ZNF736: variants seen among roughly 807,000 people sequenced by gnomAD.
The protein encoded by ZNF736 is KRAB-containing zinc-finger repressor protein.
A neutral mutation model predicts 11.7 loss-of-function variants in ZNF736; 6 were observed. The ratio of observed to expected loss-of-function variants is 0.51; its 90% CI spans 0.28 to 1.01. The LOEUF (loss-of-function observed/expected upper bound fraction) is 1.01. Among genes scored for constraint, ZNF736 ranks in the 50% least tolerant of loss-of-function variants. The pLI, the probability that ZNF736 is intolerant of heterozygous loss-of-function variation, is 0.09. For missense variants in ZNF736, 444 were observed against 496.0 expected, an observed-to-expected ratio of 0.90 and a Z score of 1.00; for synonymous variants, 139 against 164.7, an observed-to-expected ratio of 0.84 and a Z score of 1.19.
intron 2 of ZNF736, among the ~76,000 whole-genome samples, chr7:64,336,663 A>T (rs1789255687): frequency 6.6e-6 from 1 of 152,184 alleles, no homozygotes; most frequent in Non-Finnish European, 1.5e-5. Flanking sequence ...CTAAAAATGC[A>T]ATTTTCACAG....
chr7:64,340,890 TAGTG>T (rs1490904099), intron 3 of ZNF736, among the ~76,000 whole-genome samples: 1 of 152,222 alleles, frequency 6.6e-6, no homozygotes, highest in African/African-American at 2.4e-5. Context: ...AGGAAGTTCT[TAGTG>T]AGTCCCTTTT....
chr7:64,321,392 G>C (rs1036629359), intron 1 of ZNF736, among the ~76,000 whole-genome samples: 1 of 152,134 alleles, frequency 6.6e-6, no homozygotes, highest in African/African-American at 2.4e-5. Context: ...GTTCAAATTA[G>C]AAGCAATAGA....
intron 1 of ZNF736, among the ~76,000 whole-genome samples, chr7:64,315,864 C>T (rs1435534432): frequency 2.0e-5 from 3 of 152,160 alleles, no homozygotes; most frequent in Non-Finnish European, 4.4e-5. Context: ...AATTTTAAAA[C>T]GGATGTGGCA....
At chr7:64,316,752 AT>A (rs1052751537) in intron 1 of ZNF736, among the ~76,000 whole-genome samples, 6 of 150,532 alleles carry the variant, frequency 4.0e-5, no homozygotes, top group South Asian at 2.1e-4. Flanking sequence ...TAAAAAAAAA[AT>A]TTTCTAAAAG....
intron 1 of ZNF736, among the ~76,000 whole-genome samples, chr7:64,326,821 A>G (rs1287114982): frequency 6.6e-6 from 1 of 152,050 alleles, no homozygotes; most frequent in Non-Finnish European, 1.5e-5. Context: ...ATTCAGGAGC[A>G]TATTTTAATT....
At chr7:64,333,437 A>G (rs1255716638) in intron 1 of ZNF736, among the ~76,000 whole-genome samples, 1 of 152,202 alleles carries the variant, frequency 6.6e-6, no homozygotes, top group East Asian at 1.9e-4. Flanking sequence ...TGGAGACCCA[A>G]GATTCCTGTT....
At chr7:64,327,489 T>C (rs679893) in intron 1 of ZNF736, among the ~76,000 whole-genome samples, 87,549 of 151,970 alleles carry the variant, frequency 0.58, 25,917 homozygotes, top group Middle Eastern at 0.69. Flanking sequence ...TTTTAACTCA[T>C]TTGGCCAATT....
intron 1 of ZNF736, among the ~76,000 whole-genome samples, chr7:64,317,663 A>C (rs950043883): frequency 3.9e-5 from 6 of 152,236 alleles, no homozygotes; most frequent in Non-Finnish European, 7.4e-5. Context: ...TTATATTATT[A>C]ATATTAAAGC....
intron 1 of ZNF736, among the ~76,000 whole-genome samples, chr7:64,328,522 A>C (rs1029907330): frequency 1.3e-5 from 2 of 151,986 alleles, no homozygotes; most frequent in African/African-American, 2.4e-5. Flanking sequence ...GCACTTTGGG[A>C]GTCTGAGGTG....
chr7:64,337,915 C>A (rs553055669), intron 3 of ZNF736, among the ~76,000 whole-genome samples: 4 of 151,826 alleles, frequency 2.6e-5, no homozygotes, highest in Non-Finnish European at 4.4e-5. Context: ...CCACCACACC[C>A]GGCTAATTTT....
At chr7:64,326,724 T>C (rs1218376571) in intron 1 of ZNF736, among the ~76,000 whole-genome samples, 1 of 152,152 alleles carries the variant, frequency 6.6e-6, no homozygotes, top group Non-Finnish European at 1.5e-5. Context: ...TCTTTCATTG[T>C]ATTCATAGTT....
In ZNF736 at chr7:64,352,345, A is replaced by T. The variant is rs1276409192; in HGVS notation, c.*3198A>T. 2 of 152,142 alleles carry T rather than the reference A, an allele frequency of 1.3e-5. No homozygotes were observed. The highest frequency in any genetic ancestry group is 2.9e-5 in the Non-Finnish European group (2 of 68,042). The allele number at this position is 152,142 out of a possible 1,614,324, so 9.4% of individuals were successfully genotyped here. On this transcript the variant is annotated 3_prime_UTR_variant, in exon 4 of 4. Coordinates refer to ENST00000423484, the MANE Select transcript of ZNF736 (RefSeq NM_001170905.3). ...CTGTTGCCAGCCCAAAAGCACCTGTAGGAGGTAGCTGGAAGCCCCTGTTGA... is the reference window on the plus strand; with the variant it reads ...CTGTTGCCAGCCCAAAAGCACCTGTTGGAGGTAGCTGGAAGCCCCTGTTGA...
At chr7:64,318,334 C>T (rs1368342602) in intron 1 of ZNF736, among the ~76,000 whole-genome samples, 6 of 151,860 alleles carry the variant, frequency 4.0e-5, no homozygotes. Flanking sequence ...CAACAGTCTA[C>T]GAGTGTAGTT....
At chr7:64,314,376 C>T (rs1224915185) in intron 1 of ZNF736, among the ~76,000 whole-genome samples, 1 of 152,090 alleles carries the variant, frequency 6.6e-6, no homozygotes, top group Non-Finnish European at 1.5e-5. Flanking sequence ...TCGAATTTCT[C>T]CCCAGCTCAG....
At chr7:64,336,457 T>C (rs7787036) in intron 2 of ZNF736, 72 bp downstream of exon 2, 430,169 of 1,443,030 alleles carry the variant, frequency 0.3, 66,538 homozygotes, top group African/African-American at 0.49. Flanking sequence ...TTTTTGGAGG[T>C]TCTGCTTTGC....
chr7:64,324,799 A>G (rs530600265), intron 1 of ZNF736, among the ~76,000 whole-genome samples: 1 of 152,204 alleles, frequency 6.6e-6, no homozygotes, highest in Non-Finnish European at 1.5e-5. Context: ...TAGTCTTTCC[A>G]CTAACTCTGG....
At chr7:64,314,753 C>T (rs1788887378) in intron 1 of ZNF736, among the ~76,000 whole-genome samples, 1 of 152,224 alleles carries the variant, frequency 6.6e-6, no homozygotes, top group South Asian at 2.1e-4. Context: ...TTTGTAGAGA[C>T]AGGCTTTTGC....
intron 1 of ZNF736, among the ~76,000 whole-genome samples, chr7:64,331,379 C>T (rs1456589644): frequency 6.6e-6 from 1 of 152,200 alleles, no homozygotes; most frequent in Non-Finnish European, 1.5e-5. Context: ...CGCACTCTCC[C>T]TTCTGTAAGC....
In ZNF736 at chr7:64,336,268, A is replaced by G; in HGVS notation, c.13A>G (p.Thr5Ala). Residue 5 changes from threonine (T) to alanine (A), a missense_variant, in exon 2 of 4, where the codon ACA becomes GCA. Physicochemically the swap from Thr to Ala is moderately conservative, Grantham distance 58. Coordinates refer to ENST00000423484, the MANE Select transcript of ZNF736 (RefSeq NM_001170905.3). MGVL[T>A]FRDVAVEFSP... Reference sequence around the variant, plus strand: ...ATGTTTTGTTTTCCAGGGAGTGTTGACATTCAGGGATGTGGCTGTAGAATT... The same window carrying G: ...ATGTTTTGTTTTCCAGGGAGTGTTGGCATTCAGGGATGTGGCTGTAGAATT... 1 of 1,612,142 alleles carries G rather than the reference A, an allele frequency of 6.2e-7. No homozygotes were observed. Among genetic ancestry groups the G allele is most frequent in the Non-Finnish European group, 8.5e-7 (1 of 1,179,062 alleles).
Sources: allele counts gnomAD v4.1 joint callset (sites outside exome capture counted in the v4.1 genomes callset), GRCh38; gene constraint gnomAD v4.1.1; transcripts MANE v1.5; gene names NCBI Gene and HGNC (gene_info 2026-07-23, HGNC 2026-07-21).